NFAT5: variants seen among roughly 807,000 people sequenced by gnomAD.
NFAT5 encodes the protein nuclear factor of activated T cells 5.
NFAT5 carries 31 observed loss-of-function variants against 166.5 expected under a neutral mutation model. The ratio of observed to expected loss-of-function variants is 0.19; its 90% CI spans 0.14 to 0.25. The LOEUF is 0.25. Ranked by LOEUF, NFAT5 falls within the 10% of genes least tolerant of loss-of-function variation. The pLI is 1.00. For synonymous variants in NFAT5, 612 were observed against 639.7 expected, an observed-to-expected ratio of 0.96 and a Z score of 0.65; for missense variants, 1,449 against 1,821.8, an observed-to-expected ratio of 0.80 and a Z score of 3.72.
intron 2 of NFAT5, among the ~76,000 whole-genome samples, chr16:69,598,492 C>T (rs140898098): frequency 7.0e-4 from 106 of 150,728 alleles, no homozygotes; most frequent in African/African-American, 2.0e-3. Context: ...ATAGGGAAGA[C>T]GGGCACACAA....
chr16:69,645,554 A>G (rs1016974277), intron 3 of NFAT5, among the ~76,000 whole-genome samples: 2 of 152,154 alleles, frequency 1.3e-5, no homozygotes, highest in African/African-American at 4.8e-5. Context: ...TTTTCAATTG[A>G]AAAAAACAGA....
rs2037645791 is a variant in NFAT5, at chr16:69,693,624, G to A, written c.3799G>A (p.Glu1267Lys). The A allele has an allele frequency of 1.2e-6, 2 of 1,613,974 alleles. No individual in the cohort carries two copies. The highest frequency in any genetic ancestry group is 4.5e-5 in the East Asian group (2 of 44,866). Residue 1267 changes from glutamate to lysine, a missense_variant, in exon 13 of 15, where the codon GAA (glutamate) becomes AAA (lysine). Glu to Lys is a moderately conservative substitution (Grantham distance 56). Around this residue, in one of 7 missense-constraint regions of NFAT5, gnomAD observed 891 missense variants for 993.0 expected, o/e 0.90. Transcript: ENST00000349945. ...CATGCAGAGTAACTCTCCATCCCAG[G>A]AACAGCAGCAGCAGCAGCAACAGCA... ...VAMQSNSPSQEQQQQQQQQQQ... is the reference protein window; with the variant it reads ...VAMQSNSPSQKQQQQQQQQQQ...
intron 2 of NFAT5, among the ~76,000 whole-genome samples, chr16:69,585,333 G>A (rs574554691): frequency 3.3e-5 from 5 of 151,676 alleles, no homozygotes; most frequent in African/African-American, 1.2e-4. Flanking sequence ...TTAATTGTGT[G>A]GGGCTGTCTC....
chr16:69,659,746 T>C lies in NFAT5; in HGVS notation c.1216T>C (p.Leu406=), dbSNP rs371616463. The stretch of plus-strand genomic sequence containing the variant: ...TATTAGGGTGGACTGCGTAGGGATA[T>C]TGAAATTGAGGAATGCTGATGTCGA... ...MTLAVDCVGI[L]KLRNADVEAR... The change falls in exon 7 of 15, where the codon TTG becomes CTG. Residue 406 remains leucine, a synonymous_variant. Transcript: ENST00000349945. 7 of 1,613,776 alleles carry C rather than the reference T, an allele frequency of 4.3e-6. No homozygotes were observed. The African/African-American group carries it at 9.3e-5, about 22-fold the overall frequency.
rs1042925684 is a variant in NFAT5, at chr16:69,647,120, A to C, written c.346A>C (p.Thr116Pro). ...CCCTACCATTTATTCTACCTCAGTC[A>C]CCGACAGCAAGGCTATGCAAGTGGA... Reference protein sequence around the residue: ...SSPTIYSTSVTDSKAMQVESC... With the variant: ...SSPTIYSTSVPDSKAMQVESC... Residue 116 changes from threonine (T) to proline (P), a missense_variant, in exon 4 of 15, where the codon ACC (threonine) becomes CCC (proline). Around this residue, in one of 7 missense-constraint regions of NFAT5, gnomAD observed 172 missense variants for 194.5 expected, o/e 0.88. Transcript: ENST00000349945. This position sits in a 1 kb window ranked among gnomAD's most constrained non-coding sequence, Gnocchi z 4.8. The C allele has an allele frequency of 1.9e-6, 3 of 1,613,856 alleles. No homozygotes were observed. In the Admixed American group the frequency reaches 5.0e-5, roughly 27 times the overall value.
chr16:69,634,059 C>T (rs1456345455), intron 3 of NFAT5, among the ~76,000 whole-genome samples: 2 of 151,838 alleles, frequency 1.3e-5, no homozygotes, highest in Non-Finnish European at 2.9e-5. Flanking sequence ...GGGCAGATCA[C>T]TTGAGGTCAG....
intron 2 of NFAT5, among the ~76,000 whole-genome samples, chr16:69,571,683 G>A (rs1357069224): frequency 1.3e-5 from 2 of 151,718 alleles, no homozygotes; most frequent in Non-Finnish European, 2.9e-5. Flanking sequence ...TAGAACGTAC[G>A]TTTTCCAAAT....
intron 10 of NFAT5, among the ~76,000 whole-genome samples, chr16:69,681,148 T>C (rs1388056612): frequency 2.6e-5 from 4 of 152,198 alleles, no homozygotes; most frequent in Non-Finnish European, 5.9e-5. Context: ...TCAGGAAAAC[T>C]TGGGCACAGA....
chr16:69,617,235 C>T (rs1409709565), intron 2 of NFAT5, among the ~76,000 whole-genome samples: 1 of 150,876 alleles, frequency 6.6e-6, no homozygotes, highest in Non-Finnish European at 1.5e-5. Flanking sequence ...AGCCACCGTG[C>T]CCAGCCTCAA....
At chr16:69,667,646 T>G (rs1487214979) in intron 7 of NFAT5, among the ~76,000 whole-genome samples, 2 of 152,160 alleles carry the variant, frequency 1.3e-5, no homozygotes, top group Admixed American at 1.3e-4. Context: ...TGGGAAAAAG[T>G]TTTATCAGTA....
At chr16:69,576,024 C>T (rs1043863173) in intron 2 of NFAT5, among the ~76,000 whole-genome samples, 1 of 151,764 alleles carries the variant, frequency 6.6e-6, no homozygotes, top group Non-Finnish European at 1.5e-5. Flanking sequence ...CATTTGAGGC[C>T]GGGCTCGGTG....
chr16:69,694,053 G>A lies in NFAT5; in HGVS notation c.4228G>A (p.Asp1410Asn). 1 of 1,614,070 alleles carries A rather than the reference G, an allele frequency of 6.2e-7. No individual in the cohort carries two copies. The change falls in exon 13 of 15, where the codon GAT becomes AAT. Residue 1410 changes from aspartate (D) to asparagine (N), a missense_variant. Asp to Asn is a conservative substitution (Grantham distance 23, BLOSUM62 1). Around this residue, in one of 7 missense-constraint regions of NFAT5, gnomAD observed 891 missense variants for 993.0 expected, o/e 0.90. Transcript: ENST00000349945. ...CTTGCAGACCAGTATAAATCAACAA[G>A]ATATGCAACAGTCTCCTCTTTATTC... Reference protein sequence around the residue: ...SALQTSINQQDMQQSPLYSPQ... With the variant: ...SALQTSINQQNMQQSPLYSPQ...
chr16:69,689,202 A>T (rs1008476236), intron 11 of NFAT5, among the ~76,000 whole-genome samples: 3 of 152,186 alleles, frequency 2.0e-5, no homozygotes, highest in Non-Finnish European at 2.9e-5. Context: ...GCCTGAGCCC[A>T]GGAGGTGGAG....
intron 11 of NFAT5, chr16:69,685,755 A>G (rs1365474530): frequency 6.6e-6 from 1 of 152,302 alleles, no homozygotes; most frequent in Non-Finnish European, 1.5e-5. Flanking sequence ...CTACAAAAAA[A>G]TTAAAACAGG....
chr16:69,568,244 C>T (rs1221917970), intron 1 of NFAT5, among the ~76,000 whole-genome samples: 1 of 151,934 alleles, frequency 6.6e-6, no homozygotes, highest in Non-Finnish European at 1.5e-5. Context: ...CACTTGAATC[C>T]GGGAGGCGGA....
At position 69,692,001 on chromosome 16, in the gene NFAT5, G is replaced by A. The variant is rs374016821; in HGVS notation, c.2176G>A (p.Ala726Thr). The part of the protein sequence containing the change: ...LPNSDALLQQ[A>T]TQFQTRETQS... Reference sequence around the variant, plus strand: ...CAACAGCGATGCACTATTGCAGCAGGCTACACAGTTTCAGACAAGAGAAAC... The same window carrying A: ...CAACAGCGATGCACTATTGCAGCAGACTACACAGTTTCAGACAAGAGAAAC... The change falls in exon 13 of 15, where the codon GCT (alanine) becomes ACT (threonine). Residue 726 changes from alanine (A) to threonine (T), a missense_variant. This residue lies in a region of NFAT5 where 891 missense variants were observed against 993.0 expected (regional missense o/e 0.90). Transcript: ENST00000349945. The A allele has an allele frequency of 1.1e-5, 18 of 1,614,032 alleles. No individual in the cohort carries two copies. The highest frequency in any genetic ancestry group is 1.5e-5 in the Non-Finnish European group (18 of 1,180,040).
intron 6 of NFAT5, among the ~76,000 whole-genome samples, chr16:69,659,205 G>T (rs552134171): frequency 6.6e-6 from 1 of 151,690 alleles, no homozygotes; most frequent in African/African-American, 2.4e-5. Context: ...ACTTTGGGAG[G>T]CCAGGGTGGG....
intron 3 of NFAT5, among the ~76,000 whole-genome samples, chr16:69,635,641 G>A (rs2034932180): frequency 6.6e-6 from 1 of 152,158 alleles, no homozygotes; most frequent in Admixed American, 6.5e-5. Context: ...GGAGGCAAAA[G>A]GCACTTCTTA....
At chr16:69,622,237 T>G (rs1319216043) in intron 2 of NFAT5, among the ~76,000 whole-genome samples, 2 of 152,190 alleles carry the variant, frequency 1.3e-5, no homozygotes, top group Non-Finnish European at 1.5e-5. Context: ...TAAATGATGA[T>G]TTAAGTCTTA....
Sources: gnomAD v4.1 joint callset for allele counts (sites outside exome capture counted in the v4.1 genomes callset) on GRCh38, gnomAD v4.1.1 for gene constraint, gnomAD v4.1.1 regional missense constraint, Gnocchi (gnomAD v3.1) non-coding constraint, MANE v1.5 for transcripts, NCBI Gene and HGNC (gene_info 2026-07-23, HGNC 2026-07-21) for gene names.